EPB41: variants seen among roughly 807,000 people sequenced by gnomAD.
EPB41 encodes protein 4.1.
In EPB41, 65 loss-of-function variants were observed where a neutral mutation model predicts 108.0. The observed-to-expected ratio is 0.60, with a 90% CI of 0.49 to 0.74. EPB41 has a LOEUF of 0.74. Ranked by LOEUF, EPB41 falls within the 30% of genes least tolerant of loss-of-function variation. The pLI, the probability that EPB41 is intolerant of heterozygous loss-of-function variation, is 0.00. For missense variants in EPB41, 875 were observed against 1,037.0 expected (o/e 0.84, Z 2.15); for synonymous variants, 336 against 358.9 (o/e 0.94, Z 0.72).
chr1:28,966,746 C>T (rs979056144), intron 1 of EPB41, among the ~76,000 whole-genome samples: 2 of 152,046 alleles, frequency 1.3e-5, no homozygotes, highest in African/African-American at 4.8e-5. Context: ...GTCTTCCAGG[C>T]AGAAGAAACC....
chr1:28,896,180 G>A (rs2090641126), intron 1 of EPB41, among the ~76,000 whole-genome samples: 1 of 152,174 alleles, frequency 6.6e-6, no homozygotes, highest in Non-Finnish European at 1.5e-5. Flanking sequence ...TTCTTGTGAG[G>A]ATTAAATAGT....
chr1:28,976,730 G>A (rs1182742173), intron 1 of EPB41, among the ~76,000 whole-genome samples: 1 of 151,744 alleles, frequency 6.6e-6, no homozygotes, highest in Non-Finnish European at 1.5e-5. Flanking sequence ...CAGCTAGTCT[G>A]GAATTCTTAC....
intron 4 of EPB41, among the ~76,000 whole-genome samples, chr1:29,001,048 T>C (rs2096284163): frequency 6.6e-6 from 1 of 152,084 alleles, no homozygotes; most frequent in South Asian, 2.1e-4. Context: ...CTTAATATGC[T>C]GTCTCTTGGC....
At chr1:28,976,671 A>AGCTCTT (rs1300986609) in intron 1 of EPB41, among the ~76,000 whole-genome samples, 1 of 150,314 alleles carries the variant, frequency 6.7e-6, no homozygotes, top group Non-Finnish European at 1.5e-5. Flanking sequence ...TTTAAACGGT[A>AGCTCTT]GCTCTTTTCT....
At chr1:29,093,413 T>A (rs2151437014) in intron 16 of EPB41, among the ~76,000 whole-genome samples, 1 of 152,298 alleles carries the variant, frequency 6.6e-6, no homozygotes, top group South Asian at 2.1e-4. Context: ...TTCTTGTAAA[T>A]TTGTTTAAGT....
Position 28,887,790 on chromosome 1 carries a change from C to T in EPB41, c.-8+580C>T. On this transcript the variant is annotated intron_variant, in intron 1 of 16. Transcript: ENST00000347529. The surrounding 1 kb of genome is among the most constrained non-coding windows in gnomAD (Gnocchi z 4.9). ...AGGGTGGCCCCCCCGGCCGTCGCGCCAGCCCCACACCCTCCCTGCCAGGCT... is the reference window on the plus strand; with the variant it reads ...AGGGTGGCCCCCCCGGCCGTCGCGCTAGCCCCACACCCTCCCTGCCAGGCT... 1 of 557,364 alleles carries T rather than the reference C, an allele frequency of 1.8e-6. No homozygotes were observed. The highest frequency in any genetic ancestry group is 2.3e-6 in the Non-Finnish European group (1 of 438,706). The allele number at this position is 557,364 out of a possible 1,614,324, so 34.5% of individuals were successfully genotyped here.
intron 17 of EPB41, among the ~76,000 whole-genome samples, chr1:29,104,863 C>T (rs1666622569): frequency 6.6e-6 from 1 of 152,136 alleles, no homozygotes; most frequent in Non-Finnish European, 1.5e-5. Context: ...GCTGGGATTA[C>T]AGGTGTGAGC....
At chr1:29,099,359 C>G (rs1422185615) in intron 17 of EPB41, among the ~76,000 whole-genome samples, 1 of 151,742 alleles carries the variant, frequency 6.6e-6, no homozygotes, top group Non-Finnish European at 1.5e-5. Flanking sequence ...GGGTCTCACT[C>G]TGTTGCCCAG....
intron 1 of EPB41, among the ~76,000 whole-genome samples, chr1:28,975,944 A>C (rs2095596981): frequency 6.8e-6 from 1 of 147,888 alleles, no homozygotes; most frequent in Admixed American, 6.8e-5. Context: ...CCATCTCAAA[A>C]AAAAAAAAAA....
chr1:29,046,896 C>A (rs1341174516), intron 11 of EPB41, among the ~76,000 whole-genome samples: 1 of 152,006 alleles, frequency 6.6e-6, no homozygotes, highest in East Asian at 1.9e-4. Flanking sequence ...ATACTCTTTT[C>A]TTTTTTATTG....
At chr1:29,037,727 G>T (rs1041011855) in intron 10 of EPB41, among the ~76,000 whole-genome samples, 2 of 151,642 alleles carry the variant, frequency 1.3e-5, no homozygotes, top group Non-Finnish European at 2.9e-5. Context: ...AGTAGAGACC[G>T]GGTTTCACCA....
At chr1:28,932,662 G>A (rs1368965299) in intron 1 of EPB41, among the ~76,000 whole-genome samples, 1 of 152,042 alleles carries the variant, frequency 6.6e-6, no homozygotes, top group Non-Finnish European at 1.5e-5. Context: ...CAGGCTCTCA[G>A]TACATTTTCT....
intron 10 of EPB41, 114 bp from the exon 11 acceptor site, chr1:29,039,140 T>G: frequency 8.3e-7 from 1 of 1,210,138 alleles, no homozygotes. Context: ...AGTAACTATA[T>G]GGAAACCCTG....
rs1451199464 is a variant in EPB41, at chr1:29,058,802, G to A, written c.1903-9G>A. ...ATTTTTCTTTCTTTTTTAAATTATGGCAAAACAGAAGCTTGCAGAAAAAAC... is the reference window on the plus strand; with the variant it reads ...ATTTTTCTTTCTTTTTTAAATTATGACAAAACAGAAGCTTGCAGAAAAAAC... On this transcript the variant is annotated splice_polypyrimidine_tract_variant and intron_variant, in intron 13 of 20. Transcript: ENST00000343067. The A allele has an allele frequency of 6.5e-7, 1 of 1,543,648 alleles. No individual in the cohort carries two copies. The highest frequency in any genetic ancestry group is 2.0e-5 in the Admixed American group (1 of 49,362).
Position 29,119,136 on chromosome 1 carries a change from G to GAA in EPB41, c.*2327_*2328dup, listed in dbSNP as rs1671458894. ...CGGCTTCGTTGTCTGTAAATTGGAT[G>GAA]AAAAGAGCTCTAATGCCTTTCAGGC... On this transcript the variant is annotated 3_prime_UTR_variant, in exon 21 of 21. Coordinates refer to ENST00000343067, the MANE Select transcript of EPB41 (RefSeq NM_001376013.1). The GAA allele has an allele frequency of 6.6e-6, 1 of 152,538 alleles. No individual in the cohort carries two copies. Among genetic ancestry groups the GAA allele is most frequent in the Non-Finnish European group, 1.5e-5 (1 of 68,056 alleles). 9.4% of individuals were successfully genotyped at this position (152,538 alleles called of 1,614,324 possible). A position where few individuals can be genotyped will look rare whatever the true frequency, so the allele number is the denominator to read the frequency against.
intron 16 of EPB41, chr1:29,096,773 A>G (rs539718560): frequency 5.7e-6 from 1 of 175,668 alleles, no homozygotes; most frequent in South Asian, 1.9e-4. Flanking sequence ...ATTCAGAGCA[A>G]TTAACTGCAT....
chr1:28,975,958 A>AAGAAAGAAAAAAAG (rs1553205873), intron 1 of EPB41, among the ~76,000 whole-genome samples: 1 of 140,100 alleles, frequency 7.1e-6, no homozygotes, highest in Non-Finnish European at 1.5e-5. Flanking sequence ...AAAAAAAAAA[A>AAGAAAGAAAAAAAG]AAAGAAAGAA....
At chr1:29,067,697 G>T (rs1382714622) in intron 16 of EPB41, among the ~76,000 whole-genome samples, 4 of 151,584 alleles carry the variant, frequency 2.6e-5, no homozygotes, top group African/African-American at 9.7e-5. Context: ...GTTCACAAAG[G>T]GTACTTTTTG....
At chr1:29,106,518 C>T (rs552186009) in intron 17 of EPB41, among the ~76,000 whole-genome samples, 75 of 143,128 alleles carry the variant, frequency 5.2e-4, no homozygotes, top group African/African-American at 1.8e-3. Context: ...AGTGCAGTGG[C>T]GCAATCTCAA....
Sources: allele counts gnomAD v4.1 joint callset (sites outside exome capture counted in the v4.1 genomes callset), GRCh38; gene constraint gnomAD v4.1.1; non-coding constraint Gnocchi (gnomAD v3.1); transcripts MANE v1.5; gene names NCBI Gene and HGNC (gene_info 2026-07-23, HGNC 2026-07-21).